Variants in MYO9A observed in about 807,000 individuals in gnomAD.
MYO9A encodes the protein myosin IXA, also known as unconventional myosin-IXa.
MYO9A carries 103 observed loss-of-function variants against 293.3 expected under a neutral mutation model. The ratio of observed to expected loss-of-function variants is 0.35; its 90% CI spans 0.30 to 0.41. The LOEUF (loss-of-function observed/expected upper bound fraction) is 0.41, where lower values mean the gene tolerates loss of function less well. Ranked by LOEUF, MYO9A falls within the 10% of genes least tolerant of loss-of-function variation. The pLI is 1.00. For missense variants in MYO9A, 2,685 were observed against 3,033.0 expected, an observed-to-expected ratio of 0.89 and a Z score of 2.69; for synonymous variants, 1,001 against 1,035.7, an observed-to-expected ratio of 0.97 and a Z score of 0.64.
At chr15:72,038,433 A>T (rs945735540) in intron 2 of MYO9A, among the ~76,000 whole-genome samples, 3 of 152,232 alleles carry the variant, frequency 2.0e-5, no homozygotes, top group African/African-American at 7.2e-5. Flanking sequence ...AGAGAGTTCA[A>T]GTTATACAAC....
rs1346663774 is a variant in MYO9A at position 71,991,187 on chromosome 15, A to G, written c.1638T>C (p.Asn546=). The part of the protein sequence containing the change: ...LDIFGFEDYE[N]NSFEQFCINF... ...TAATACAGAACTGTTCAAAGCTGTT[A>G]TTTTCATAATCTTCAAACCCAAAAA... The change falls in exon 11 of 42, where the codon AAT becomes AAC. Residue 546 remains asparagine (N), a synonymous_variant. Transcript: ENST00000356056. 1.2e-6 allele frequency: 2 copies of G among 1,609,378 alleles called. No individual in the cohort carries two copies. Among genetic ancestry groups the G allele is most frequent in the East Asian group, 2.2e-5 (1 of 44,644 alleles).
At chr15:71,922,237 C>T (rs898498015) in intron 18 of MYO9A, among the ~76,000 whole-genome samples, 6 of 152,202 alleles carry the variant, frequency 3.9e-5, no homozygotes, top group African/African-American at 1.4e-4. Context: ...CCTTGGCCTC[C>T]CACAGTGCTG....
chr15:71,854,166 C>T (rs1004426283), intron 35 of MYO9A, among the ~76,000 whole-genome samples: 12 of 152,126 alleles, frequency 7.9e-5, no homozygotes, highest in African/African-American at 2.2e-4. Context: ...GTCCCAAGTG[C>T]AAATTATATG....
chr15:71,985,153 C>A (rs575762937), intron 11 of MYO9A, among the ~76,000 whole-genome samples: 8 of 152,282 alleles, frequency 5.3e-5, no homozygotes, highest in African/African-American at 1.9e-4. Context: ...CTCCTGACCT[C>A]AAGTGATCCA....
At chr15:71,869,771 T>C (rs2056449815) in intron 32 of MYO9A, among the ~76,000 whole-genome samples, 1 of 152,066 alleles carries the variant, frequency 6.6e-6, no homozygotes, top group African/African-American at 2.4e-5. Context: ...TAGAGAGTAA[T>C]GAAAAATAAG....
intron 1 of MYO9A, among the ~76,000 whole-genome samples, chr15:72,105,111 TCAA>T (rs1019856362): frequency 6.6e-6 from 1 of 152,152 alleles, no homozygotes; most frequent in Non-Finnish European, 1.5e-5. Flanking sequence ...TAAAATTATC[TCAA>T]CAACAACAAA....
At chr15:71,871,713 G>GA (rs906465053) in intron 32 of MYO9A, among the ~76,000 whole-genome samples, 2 of 148,128 alleles carry the variant, frequency 1.4e-5, no homozygotes, top group African/African-American at 5.0e-5. Flanking sequence ...AAAGAAAGAA[G>GA]AAAGTAAAAA....
At chr15:71,936,804 A>G (rs1206046423) in intron 16 of MYO9A, among the ~76,000 whole-genome samples, 9 of 152,032 alleles carry the variant, frequency 5.9e-5, no homozygotes, top group Non-Finnish European at 1.3e-4. Flanking sequence ...TAAACCATTA[A>G]AAAAAAGTCA....
intron 12 of MYO9A, among the ~76,000 whole-genome samples, chr15:71,976,509 A>G (rs546207973): frequency 1.3e-5 from 2 of 152,288 alleles, no homozygotes; most frequent in Non-Finnish European, 2.9e-5. Context: ...TTACTATAAA[A>G]TTCCCCAAAC....
chr15:71,846,172 A>T (rs1057036013), intron 39 of MYO9A, among the ~76,000 whole-genome samples: 7 of 152,224 alleles, frequency 4.6e-5, no homozygotes, highest in African/African-American at 1.2e-4. Flanking sequence ...TACAGAAATG[A>T]GATAGAACTG....
At chr15:71,907,757 T>C (rs934489543) in intron 19 of MYO9A, among the ~76,000 whole-genome samples, 1 of 152,152 alleles carries the variant, frequency 6.6e-6, no homozygotes, top group Non-Finnish European at 1.5e-5. Context: ...GAGAAGTGTC[T>C]GTTCATGTCC....
intron 14 of MYO9A, chr15:71,953,764 A>G (rs987175325): frequency 1.3e-5 from 2 of 152,128 alleles, no homozygotes; most frequent in Admixed American, 6.5e-5. Flanking sequence ...TCTTAAAGTG[A>G]TATTCCCTGT....
intron 28 of MYO9A, among the ~76,000 whole-genome samples, chr15:71,882,600 C>T (rs558042667): frequency 7.5e-4 from 114 of 152,082 alleles, no homozygotes; most frequent in South Asian, 6.7e-3. Context: ...CACACCACTC[C>T]GGCCTAAGCA....
At chr15:72,108,532 T>C (rs539636239) in intron 1 of MYO9A, among the ~76,000 whole-genome samples, 1 of 152,266 alleles carries the variant, frequency 6.6e-6, no homozygotes, top group East Asian at 1.9e-4. Flanking sequence ...ACTTCCTACA[T>C]TGAGAGACTA....
At chr15:72,100,384 C>T (rs1478062252) in intron 1 of MYO9A, among the ~76,000 whole-genome samples, 2 of 152,158 alleles carry the variant, frequency 1.3e-5, no homozygotes, top group African/African-American at 4.8e-5. Flanking sequence ...GCTACAACCC[C>T]GTCTGGGAAG....
At chr15:71,830,909 T>TA (rs2054696004) in intron 39 of MYO9A, among the ~76,000 whole-genome samples, 1 of 151,500 alleles carries the variant, frequency 6.6e-6, no homozygotes, top group Non-Finnish European at 1.5e-5. Flanking sequence ...GCTAGTGAGA[T>TA]ATATTTTCTT....
intron 2 of MYO9A, chr15:72,045,171 A>G (rs1287685541): frequency 6.6e-6 from 1 of 152,252 alleles, no homozygotes; most frequent in Non-Finnish European, 1.5e-5. Flanking sequence ...GAATAGCAAG[A>G]ACAGTATTTC....
intron 2 of MYO9A, chr15:72,041,101 C>A: frequency 3.9e-6 from 2 of 518,718 alleles, no homozygotes; most frequent in South Asian, 3.1e-5. Context: ...AAAAATTAGC[C>A]AGGTGTGGTG....
At chr15:72,082,153 T>C (rs933054121) in intron 1 of MYO9A, among the ~76,000 whole-genome samples, 1 of 152,104 alleles carries the variant, frequency 6.6e-6, no homozygotes, top group African/African-American at 2.4e-5. Flanking sequence ...TGATTCTTCC[T>C]ATGAATGTGG....
Sources: allele counts gnomAD v4.1 joint callset (sites outside exome capture counted in the v4.1 genomes callset), GRCh38; gene constraint gnomAD v4.1.1; transcripts MANE v1.5; gene names NCBI Gene and HGNC (gene_info 2026-07-23, HGNC 2026-07-21).